AKAP6: variants seen among roughly 807,000 people sequenced by gnomAD.
AKAP6 encodes the protein A-kinase anchor protein 6.
In AKAP6, 58 loss-of-function variants were observed where a neutral mutation model predicts 188.5. The observed-to-expected ratio is 0.31, with a 90% CI of 0.25 to 0.38. The LOEUF (loss-of-function observed/expected upper bound fraction) is 0.38. AKAP6 is among the 10% of genes least tolerant of loss of function. The probability of loss-of-function intolerance (pLI) is 1.00; values close to 1 mark genes in which losing one functional copy is unlikely to be tolerated. For missense variants in AKAP6, 2,710 were observed against 2,740.0 expected (o/e 0.99, Z 0.24); for synonymous variants, 989 against 998.6 (o/e 0.99, Z 0.18).
intron 1 of AKAP6, among the ~76,000 whole-genome samples, chr14:32,346,438 A>G (rs1017904516): frequency 6.6e-6 from 1 of 152,242 alleles, no homozygotes. Flanking sequence ...GAATTTACCA[A>G]GCACTTTCAC....
intron 4 of AKAP6, among the ~76,000 whole-genome samples, chr14:32,569,768 C>T (rs368801344): frequency 6.6e-6 from 1 of 152,174 alleles, no homozygotes; most frequent in Non-Finnish European, 1.5e-5. Flanking sequence ...TCTAATTTTA[C>T]TTACCTTATT....
Position 32,835,839 on chromosome 14 carries a change from C to T in AKAP6, c.*6034C>T, listed in dbSNP as rs2034869874. The T allele has an allele frequency of 6.6e-6, 1 of 152,230 alleles. No individual in the cohort carries two copies. Among genetic ancestry groups the T allele is most frequent in the Admixed American group, 6.5e-5 (1 of 15,278 alleles). 9.4% of individuals were successfully genotyped at this position (152,230 alleles called of 1,614,324 possible). The stretch of plus-strand genomic sequence containing the variant: ...GTTCAAGGAAACCGTATAGCCACTT[C>T]TTTTTTAAAAGCAGCCACATACCTT... On this transcript the variant is annotated 3_prime_UTR_variant, in exon 14 of 14. Transcript: ENST00000280979.
intron 2 of AKAP6, among the ~76,000 whole-genome samples, chr14:32,496,251 G>A (rs1880307576): frequency 6.6e-6 from 1 of 152,118 alleles, no homozygotes; most frequent in Non-Finnish European, 1.5e-5. Flanking sequence ...AATGAATAGA[G>A]AGTTACAACT....
At chr14:32,776,688 C>G (rs2033076519) in intron 12 of AKAP6, among the ~76,000 whole-genome samples, 1 of 152,086 alleles carries the variant, frequency 6.6e-6, no homozygotes, top group African/African-American at 2.4e-5. Flanking sequence ...TATCTATATT[C>G]TAAATTTTTA....
chr14:32,553,767 TC>T (rs1434219957), intron 4 of AKAP6, among the ~76,000 whole-genome samples: 1 of 152,192 alleles, frequency 6.6e-6, no homozygotes, highest in African/African-American at 2.4e-5. Context: ...AACTCTGAGT[TC>T]CCAAGGGATG....
intron 7 of AKAP6, among the ~76,000 whole-genome samples, chr14:32,608,275 G>A (rs1318761310): frequency 2.6e-5 from 4 of 152,100 alleles, no homozygotes; most frequent in African/African-American, 4.8e-5. Context: ...GGGAGGCTGA[G>A]GTGGGTGGAC....
intron 5 of AKAP6, among the ~76,000 whole-genome samples, 160 bp from the exon 6 acceptor site, chr14:32,599,250 C>A (rs1056729930): frequency 6.6e-6 from 1 of 152,066 alleles, no homozygotes; most frequent in South Asian, 2.1e-4. Context: ...CATTTTGAGC[C>A]CAGATCCCAA....
intron 5 of AKAP6, among the ~76,000 whole-genome samples, chr14:32,590,490 A>G (rs920320229): frequency 6.6e-6 from 1 of 152,178 alleles, no homozygotes; most frequent in African/African-American, 2.4e-5. Flanking sequence ...AAAATCTGCT[A>G]AATGAATGAA....
intron 11 of AKAP6, among the ~76,000 whole-genome samples, chr14:32,764,920 C>T (rs1405060988): frequency 1.3e-5 from 2 of 150,004 alleles, no homozygotes; most frequent in Non-Finnish European, 3.0e-5. Context: ...TATTATTTTG[C>T]ATTCAAGTGA....
chr14:32,520,082 G>C (rs1272707797), intron 2 of AKAP6, among the ~76,000 whole-genome samples: 2 of 152,158 alleles, frequency 1.3e-5, no homozygotes, highest in Non-Finnish European at 2.9e-5. Context: ...TGAATAACCT[G>C]CTCCTGAATG....
chr14:32,440,120 G>A (rs984772439), intron 2 of AKAP6, among the ~76,000 whole-genome samples: 20 of 152,164 alleles, frequency 1.3e-4, no homozygotes, highest in Admixed American at 7.9e-4. Context: ...CTGTCCTTGC[G>A]ATAGTTTGCT....
Position 32,566,574 on chromosome 14 carries a change from A to G in AKAP6, c.2347-10546A>G, listed in dbSNP as rs181080109. ...CCAAGGGCCTAATACAATTTCTGAT[A>G]CATAGTAAACTCTCAATAAATTTTT... is the stretch of plus-strand genomic sequence containing the variant. On this transcript the variant is annotated intron_variant, in intron 4 of 13. Coordinates refer to ENST00000280979, the MANE Select transcript of AKAP6 (RefSeq NM_004274.5). Among the ~76,000 whole-genome samples the G allele has an allele frequency of 2.1e-4, 32 of 152,310 alleles. No individual in the cohort carries two copies. The East Asian group carries it at 5.8e-3, about 28-fold the overall frequency.
intron 11 of AKAP6, among the ~76,000 whole-genome samples, chr14:32,764,140 T>C (rs539968137): frequency 6.4e-4 from 97 of 152,292 alleles, no homozygotes; most frequent in African/African-American, 2.3e-3. Context: ...TACATCTTCC[T>C]CAGGAAAGAG....
intron 2 of AKAP6, among the ~76,000 whole-genome samples, chr14:32,527,169 G>A (rs924879214): frequency 3.9e-5 from 6 of 152,194 alleles, no homozygotes; most frequent in African/African-American, 1.4e-4. Flanking sequence ...TTTCCGGAAT[G>A]TCATATAAAT....
intron 1 of AKAP6, among the ~76,000 whole-genome samples, chr14:32,351,613 G>T (rs1421055280): frequency 6.6e-6 from 1 of 151,524 alleles, no homozygotes; most frequent in Non-Finnish European, 1.5e-5. Flanking sequence ...TAAACATTTG[G>T]AATGGTAGAT....
intron 7 of AKAP6, among the ~76,000 whole-genome samples, chr14:32,664,864 C>T (rs555279739): frequency 2.6e-5 from 4 of 152,216 alleles, no homozygotes; most frequent in African/African-American, 9.6e-5. Context: ...GAGAGGTAAA[C>T]ACTCAAGACT....
chr14:32,773,531 T>G, intron 11 of AKAP6, 147 bp from the exon 12 acceptor site: 1 of 758,248 alleles, frequency 1.3e-6, no homozygotes. Flanking sequence ...GCCTCCATTC[T>G]AAAAGGGACA....
At position 32,600,692 on chromosome 14, in the gene AKAP6, G is replaced by A. The variant is rs767799625; in HGVS notation, c.2630G>A (p.Arg877Gln). The A allele has an allele frequency of 1.4e-5, 22 of 1,613,430 alleles. 1 individual carries two copies. Among genetic ancestry groups the A allele is most frequent in the South Asian group, 4.4e-5 (4 of 90,982 alleles). ...QWKELQRQIK[R>Q]QHSWILRALD... ...AAGGAGCTGCAGAGGCAAATCAAAC[G>A]GCAGCACAGCTGGATTCTCAGGGCT... Residue 877 changes from arginine to glutamine, a missense_variant, in exon 7 of 14, where the codon CGG (arginine) becomes CAG (glutamine). This residue lies in a region of AKAP6 where 2,473 missense variants were observed against 2,426.1 expected (regional missense o/e 1.02). Transcript: ENST00000280979.
chr14:32,597,200 A>G (rs1238932150), intron 5 of AKAP6, among the ~76,000 whole-genome samples: 3 of 152,144 alleles, frequency 2.0e-5, no homozygotes, highest in Admixed American at 1.3e-4. Flanking sequence ...TATTCAACCT[A>G]CTTACGGTTC....
Sources: allele counts gnomAD v4.1 joint callset (sites outside exome capture counted in the v4.1 genomes callset), GRCh38; gene constraint gnomAD v4.1.1; regional missense constraint gnomAD v4.1.1; transcripts MANE v1.5; gene names NCBI Gene and HGNC (gene_info 2026-07-23, HGNC 2026-07-21).